Variants in GRID2 observed in about 807,000 individuals in gnomAD.
GRID2 encodes the protein glutamate receptor ionotropic, delta-2.
In GRID2, 33 loss-of-function variants were observed where a neutral mutation model predicts 114.8. The observed-to-expected ratio is 0.29, with a 90% CI of 0.22 to 0.38. The LOEUF is 0.38. Ranked by LOEUF, GRID2 falls within the 10% of genes least tolerant of loss-of-function variation. GRID2 has a pLI of 1.00. For missense variants in GRID2, 1,184 were observed against 1,257.7 expected (o/e 0.94, Z 0.89); for synonymous variants, 505 against 449.9 (o/e 1.12, Z -1.55).
chr4:92,963,924 T>C (rs1017176395), intron 2 of GRID2, among the ~76,000 whole-genome samples: 7 of 152,002 alleles, frequency 4.6e-5, no homozygotes, highest in Non-Finnish European at 8.8e-5. Flanking sequence ...CAATATTAAT[T>C]TCCTTGTGAA....
intron 2 of GRID2, among the ~76,000 whole-genome samples, chr4:92,667,523 T>C (rs576089593): frequency 4.6e-4 from 70 of 151,614 alleles, no homozygotes; most frequent in Non-Finnish European, 7.5e-4. Context: ...TTCTGTTCAT[T>C]TACAATCCAA....
chr4:93,430,990 G>A (rs945064387), intron 10 of GRID2, among the ~76,000 whole-genome samples: 2 of 152,132 alleles, frequency 1.3e-5, no homozygotes, highest in Admixed American at 6.6e-5. Context: ...AAAAAGTGAT[G>A]AGAATCTATC....
chr4:92,711,495 G>C (rs139651461), intron 2 of GRID2, among the ~76,000 whole-genome samples: 52 of 152,298 alleles, frequency 3.4e-4, no homozygotes, highest in African/African-American at 1.3e-3. Context: ...GCCACTCTCA[G>C]GCTTTGCCTT....
intron 2 of GRID2, among the ~76,000 whole-genome samples, chr4:92,704,451 T>G (rs1734842088): frequency 6.6e-6 from 1 of 152,174 alleles, no homozygotes; most frequent in African/African-American, 2.4e-5. Context: ...AGAACACATT[T>G]TCTGTACATG....
chr4:92,578,208 G>A (rs901572691), intron 1 of GRID2, among the ~76,000 whole-genome samples: 1 of 149,698 alleles, frequency 6.7e-6, no homozygotes, highest in Non-Finnish European at 1.5e-5. Context: ...ATGCTGGTGT[G>A]CTGCACCCAT....
At chr4:92,576,153 A>G (rs1367018298) in intron 1 of GRID2, among the ~76,000 whole-genome samples, 2 of 152,162 alleles carry the variant, frequency 1.3e-5, no homozygotes, top group African/African-American at 4.8e-5. Flanking sequence ...ATGTGCAGGC[A>G]GGCATGGCTG....
chr4:92,852,220 C>CTA (rs139131231), intron 2 of GRID2, among the ~76,000 whole-genome samples: 1 of 151,772 alleles, frequency 6.6e-6, no homozygotes, highest in African/African-American at 2.4e-5. Context: ...AGGTATTTGT[C>CTA]TATAAAAAAT....
At chr4:93,121,161 T>C (rs993627040) in intron 4 of GRID2, among the ~76,000 whole-genome samples, 2 of 152,150 alleles carry the variant, frequency 1.3e-5, no homozygotes, top group African/African-American at 4.8e-5. Context: ...CACATTTTTT[T>C]CTAAAATAAA....
chr4:93,623,251 C>A (rs1742375405), intron 13 of GRID2, among the ~76,000 whole-genome samples: 1 of 152,070 alleles, frequency 6.6e-6, no homozygotes, highest in Admixed American at 6.6e-5. Flanking sequence ...TGGTTTGCTG[C>A]ACCAATCAAC....
At chr4:92,764,665 A>C (rs1231168924) in intron 2 of GRID2, among the ~76,000 whole-genome samples, 1 of 152,176 alleles carries the variant, frequency 6.6e-6, no homozygotes, top group Admixed American at 6.5e-5. Flanking sequence ...ATGTATAATT[A>C]TTTTATTAAT....
intron 8 of GRID2, among the ~76,000 whole-genome samples, chr4:93,323,576 C>G (rs1470899392): frequency 2.0e-5 from 3 of 152,062 alleles, no homozygotes; most frequent in Non-Finnish European, 4.4e-5. Context: ...TTTTCTAATT[C>G]TGTGAAGAAA....
intron 14 of GRID2, among the ~76,000 whole-genome samples, chr4:93,681,972 C>G (rs1275443872): frequency 3.3e-5 from 5 of 151,390 alleles, no homozygotes; most frequent in Admixed American, 6.6e-5. Context: ...GCAAAAGAAA[C>G]TACCATCAGA....
At chr4:92,678,538 AAAG>A (rs1733496490) in intron 2 of GRID2, among the ~76,000 whole-genome samples, 1 of 152,020 alleles carries the variant, frequency 6.6e-6, no homozygotes, top group Non-Finnish European at 1.5e-5. Context: ...TTGGGTATGG[AAAG>A]AAGATTAGTG....
chr4:92,336,313 G>T (rs1420723750), intron 1 of GRID2, among the ~76,000 whole-genome samples: 1 of 152,168 alleles, frequency 6.6e-6, no homozygotes, highest in East Asian at 1.9e-4. Context: ...GGGAAAGCCA[G>T]ATCCCTATAA....
At chr4:92,315,840 G>A (rs1399470444) in intron 1 of GRID2, among the ~76,000 whole-genome samples, 1 of 151,650 alleles carries the variant, frequency 6.6e-6, no homozygotes, top group African/African-American at 2.4e-5. Context: ...GCATGGTGGT[G>A]TGCGCCTGTA....
intron 4 of GRID2, among the ~76,000 whole-genome samples, chr4:93,170,022 G>A (rs940209906): frequency 3.3e-5 from 5 of 152,156 alleles, no homozygotes; most frequent in African/African-American, 9.7e-5. Flanking sequence ...ATCATGCCTT[G>A]TATAGGCTAT....
intron 11 of GRID2, among the ~76,000 whole-genome samples, chr4:93,460,987 C>T (rs776445290): frequency 2.6e-5 from 4 of 151,958 alleles, no homozygotes; most frequent in Non-Finnish European, 4.4e-5. Context: ...CTCCAAGTGA[C>T]CAAATTTCAA....
intron 2 of GRID2, among the ~76,000 whole-genome samples, chr4:92,787,119 A>G (rs1429105136): frequency 2.6e-5 from 4 of 151,876 alleles, no homozygotes; most frequent in South Asian, 2.1e-4. Context: ...AACATACCAA[A>G]TAGTGTAGTC....
At chr4:92,860,995 G>T (rs1744490499) in intron 2 of GRID2, among the ~76,000 whole-genome samples, 1 of 151,992 alleles carries the variant, frequency 6.6e-6, no homozygotes, top group Admixed American at 6.6e-5. Flanking sequence ...TTTAAATAAA[G>T]TTATAAATAT....
Sources: allele counts gnomAD v4.1 joint callset (sites outside exome capture counted in the v4.1 genomes callset), GRCh38; gene constraint gnomAD v4.1.1; transcripts MANE v1.5; gene names NCBI Gene and HGNC (gene_info 2026-07-23, HGNC 2026-07-21).